Variants in PHACTR3 observed in about 807,000 individuals in gnomAD.
PHACTR3 encodes phosphatase and actin regulator 3.
A neutral mutation model predicts 66.8 loss-of-function variants in PHACTR3; 16 were observed. That is an observed-to-expected ratio of 0.24 (90% confidence interval 0.16 to 0.36). The LOEUF is 0.36. PHACTR3 is among the 10% of genes least tolerant of loss of function. The probability of loss-of-function intolerance (pLI) is 1.00; values close to 1 mark genes in which losing one functional copy is unlikely to be tolerated. For missense variants in PHACTR3, 647 were observed against 719.9 expected (o/e 0.90, Z 1.16); for synonymous variants, 323 against 292.1 (o/e 1.11, Z -1.08).
chr20:59,735,349 G>C (rs1388272190), intron 1 of PHACTR3, among the ~76,000 whole-genome samples: 1 of 152,062 alleles, frequency 6.6e-6, no homozygotes, highest in Non-Finnish European at 1.5e-5. Flanking sequence ...GTTTGTGAGT[G>C]AATGAATAAA....
At chr20:59,818,062 A>G (rs1168732140) in intron 8 of PHACTR3, among the ~76,000 whole-genome samples, 2 of 152,114 alleles carry the variant, frequency 1.3e-5, no homozygotes, top group Non-Finnish European at 2.9e-5. Flanking sequence ...GCCTCAGCGA[A>G]CCTGTCTCCT....
chr20:59,773,142 A>G, intron 5 of PHACTR3, 137 bp from the exon 6 acceptor site: 1 of 937,138 alleles, frequency 1.1e-6, no homozygotes, highest in Non-Finnish European at 1.6e-6. Flanking sequence ...ATCCCGGTCC[A>G]GCATCTTGGC....
At position 59,841,508 on chromosome 20, in the gene PHACTR3, C is replaced by T. The variant is rs776307481; in HGVS notation, c.1560C>T (p.Pro520=). The T allele has an allele frequency of 1.2e-6, 2 of 1,613,264 alleles. No individual in the cohort carries two copies. Among genetic ancestry groups the T allele is most frequent in the Non-Finnish European group, 1.7e-6 (2 of 1,179,576 alleles). Residue 520 remains proline, a synonymous_variant, in exon 11 of 13, where the codon CCC becomes CCT. Coordinates refer to ENST00000371015, the MANE Select transcript of PHACTR3 (RefSeq NM_080672.5). The stretch of plus-strand genomic sequence containing the variant: ...ACTATGACAGGAGGGCAGACAAACC[C>T]TGGACGAGACTGTCAGCAGCAGATA... ...AQDYDRRADK[P]WTRLSAADKA...
chr20:59,619,635 T>C (rs1444756312), intron 1 of PHACTR3, among the ~76,000 whole-genome samples: 1 of 152,190 alleles, frequency 6.6e-6, no homozygotes, highest in Non-Finnish European at 1.5e-5. Context: ...AGTCCTGCCA[T>C]GTCCTGACTT....
chr20:59,694,525 G>A (rs1327360397), intron 1 of PHACTR3, among the ~76,000 whole-genome samples: 1 of 151,872 alleles, frequency 6.6e-6, no homozygotes, highest in Non-Finnish European at 1.5e-5. Flanking sequence ...AGCCTCGATG[G>A]AAGAAGGAAA....
intron 8 of PHACTR3, among the ~76,000 whole-genome samples, chr20:59,819,921 A>G (rs975519255): frequency 6.6e-6 from 1 of 152,210 alleles, no homozygotes; most frequent in Admixed American, 6.5e-5. Context: ...CCTTCTTTGG[A>G]TTCCGAGATC....
At chr20:59,737,592 A>G (rs1244016938) in intron 1 of PHACTR3, among the ~76,000 whole-genome samples, 1 of 151,954 alleles carries the variant, frequency 6.6e-6, no homozygotes, top group Non-Finnish European at 1.5e-5. Context: ...GTGTGCATGC[A>G]CACCAGCTGA....
chr20:59,690,955 A>G (rs1025609308), intron 1 of PHACTR3, among the ~76,000 whole-genome samples: 2 of 152,218 alleles, frequency 1.3e-5, no homozygotes, highest in Admixed American at 1.3e-4. Context: ...CCATGACAAC[A>G]TCCCAATATA....
At chr20:59,672,556 C>T (rs961683749) in intron 1 of PHACTR3, among the ~76,000 whole-genome samples, 4 of 152,204 alleles carry the variant, frequency 2.6e-5, no homozygotes, top group African/African-American at 7.2e-5. Flanking sequence ...TCAGTTTCCT[C>T]ATCTGGGCAT....
Position 59,767,231 on chromosome 20 carries a change from G to T in PHACTR3, c.587G>T (p.Ser196Ile). The T allele has an allele frequency of 6.2e-7, 1 of 1,614,246 alleles. No homozygotes were observed. Among genetic ancestry groups the T allele is most frequent in the Non-Finnish European group, 8.5e-7 (1 of 1,180,054 alleles). Reference sequence around the variant, plus strand: ...AGTGGTGAAGAAGCAGACGCTGGCAGCCTCCTGCCCACCACCAATGAGCTC... The same window carrying T: ...AGTGGTGAAGAAGCAGACGCTGGCATCCTCCTGCCCACCACCAATGAGCTC... The part of the protein sequence containing the change: ...ASSGEEADAG[S>I]LLPTTNELSQ... Residue 196 changes from serine (S) to isoleucine (I), a missense_variant, in exon 5 of 13, where the codon AGC (serine) becomes ATC (isoleucine). Ser to Ile is a moderately radical substitution (Grantham distance 142, BLOSUM62 -2). This residue lies in a region of PHACTR3 where 577 missense variants were observed against 571.1 expected (regional missense o/e 1.01). Coordinates refer to ENST00000371015, the MANE Select transcript of PHACTR3 (RefSeq NM_080672.5).
chr20:59,772,940 A>G (rs904748462), intron 5 of PHACTR3, among the ~76,000 whole-genome samples: 6 of 152,170 alleles, frequency 3.9e-5, no homozygotes, highest in African/African-American at 1.4e-4. Flanking sequence ...CGGGTTTCCC[A>G]AGAACAAGAA....
intron 7 of PHACTR3, among the ~76,000 whole-genome samples, chr20:59,794,189 C>A (rs969730121): frequency 6.7e-6 from 1 of 148,968 alleles, no homozygotes. Context: ...GAAAGACTTT[C>A]AATTTTCCTC....
chr20:59,797,937 C>T (rs1222718132), intron 7 of PHACTR3, among the ~76,000 whole-genome samples: 1 of 151,258 alleles, frequency 6.6e-6, no homozygotes, highest in Non-Finnish European at 1.5e-5. Flanking sequence ...ATTTTCTTTT[C>T]TTGGAATATT....
At chr20:59,815,480 A>G (rs1204810190) in intron 8 of PHACTR3, among the ~76,000 whole-genome samples, 5 of 140,462 alleles carry the variant, frequency 3.6e-5, no homozygotes, top group Admixed American at 7.8e-5. Flanking sequence ...GCTGGAGTGC[A>G]GTGGCGTGAT....
At chr20:59,611,081 A>G (rs1296762902) in intron 1 of PHACTR3, among the ~76,000 whole-genome samples, 1 of 152,254 alleles carries the variant, frequency 6.6e-6, no homozygotes, top group Non-Finnish European at 1.5e-5. Context: ...CCTGGGGCTA[A>G]ATAAATGTGT....
chr20:59,606,723 T>G (rs965940775), intron 1 of PHACTR3, among the ~76,000 whole-genome samples: 7 of 151,906 alleles, frequency 4.6e-5, no homozygotes, highest in African/African-American at 1.7e-4. Flanking sequence ...TGTATGTGAG[T>G]TTATGCCTCT....
At chr20:59,755,522 C>G (rs1195019849) in intron 4 of PHACTR3, among the ~76,000 whole-genome samples, 158 bp downstream of exon 4, 1 of 152,210 alleles carries the variant, frequency 6.6e-6, no homozygotes, top group Non-Finnish European at 1.5e-5. Flanking sequence ...TGCTGCCTGG[C>G]TGGGTTGAAG....
chr20:59,769,231 G>T lies in PHACTR3; in HGVS notation c.751+1836G>T, dbSNP rs192110528. 3.3e-5 allele frequency among the ~76,000 whole-genome samples: 5 copies of T among 152,314 alleles called. No individual in the cohort carries two copies. In the East Asian group the frequency reaches 9.6e-4, roughly 29 times the overall value. On this transcript the variant is annotated intron_variant, in intron 5 of 12. Transcript: ENST00000371015. Reference sequence around the variant, plus strand: ...CCACATTGCCCCACCTTGTTTAGTGGGTTGAATGGTGTCACCCCAAAATTC... The same window carrying T: ...CCACATTGCCCCACCTTGTTTAGTGTGTTGAATGGTGTCACCCCAAAATTC...
At chr20:59,742,086 G>A (rs2039182004) in intron 1 of PHACTR3, among the ~76,000 whole-genome samples, 2 of 152,220 alleles carry the variant, frequency 1.3e-5, no homozygotes, top group African/African-American at 4.8e-5. Context: ...TCTTTGGAGG[G>A]CCCACAGACA....
Sources: allele counts gnomAD v4.1 joint callset (sites outside exome capture counted in the v4.1 genomes callset), GRCh38; gene constraint gnomAD v4.1.1; regional missense constraint gnomAD v4.1.1; transcripts MANE v1.5; gene names NCBI Gene and HGNC (gene_info 2026-07-23, HGNC 2026-07-21).